Variants in GRXCR1 observed in about 807,000 individuals in gnomAD.
GRXCR1 encodes glutaredoxin domain-containing cysteine-rich protein 1.
GRXCR1 carries 27 observed loss-of-function variants against 27.3 expected under a neutral mutation model. The ratio of observed to expected loss-of-function variants is 0.99; its 90% confidence interval spans 0.73 to 1.37. The LOEUF (loss-of-function observed/expected upper bound fraction) is 1.37, where lower values mean the gene tolerates loss of function less well. Among genes scored for constraint, GRXCR1 ranks in the 40% most tolerant of loss-of-function variants. The probability of loss-of-function intolerance (pLI) is 0.00; values close to 1 mark genes in which losing one functional copy is unlikely to be tolerated. For missense variants in GRXCR1, 379 were observed against 354.4 expected, an observed-to-expected ratio of 1.07 and a Z score of -0.56; for synonymous variants, 122 against 131.1, an observed-to-expected ratio of 0.93 and a Z score of 0.47.
chr4:43,020,271 G>A, intron 2 of GRXCR1, 83 bp from the exon 3 acceptor site: 1 of 851,536 alleles, frequency 1.2e-6, no homozygotes, highest in Non-Finnish European at 2.0e-6. Flanking sequence ...AGTATTTTGT[G>A]GGTTAAGCTT....
At chr4:43,025,813 A>G (rs1185507388) in intron 3 of GRXCR1, among the ~76,000 whole-genome samples, 1 of 152,150 alleles carries the variant, frequency 6.6e-6, no homozygotes, top group Non-Finnish European at 1.5e-5. Flanking sequence ...CGTCTCTACT[A>G]AAAATACAAA....
intron 1 of GRXCR1, among the ~76,000 whole-genome samples, chr4:42,907,521 G>A (rs533066682): frequency 3.3e-5 from 5 of 152,264 alleles, no homozygotes; most frequent in African/African-American, 1.2e-4. Context: ...TTCAGTCCCT[G>A]TAGAGTCTGA....
chr4:42,905,680 G>A (rs1324936113), intron 1 of GRXCR1, among the ~76,000 whole-genome samples: 1 of 152,152 alleles, frequency 6.6e-6, no homozygotes. Context: ...AAACTGAAAG[G>A]GAGTGTGGCA....
chr4:42,976,305 GCCATTTATTC>G (rs1748517309), intron 2 of GRXCR1, among the ~76,000 whole-genome samples: 1 of 151,958 alleles, frequency 6.6e-6, no homozygotes, highest in Non-Finnish European at 1.5e-5. Flanking sequence ...TATATGTGTA[GCCATTTATTC>G]ATTAATTTAG....
chr4:42,982,714 CCT>C, intron 2 of GRXCR1, among the ~76,000 whole-genome samples: 1 of 144,298 alleles, frequency 6.9e-6, no homozygotes, highest in East Asian at 2.1e-4. Context: ...CTCTCCAGCA[CCT>C]GTTGTTTCCT....
intron 3 of GRXCR1, among the ~76,000 whole-genome samples, chr4:43,025,401 A>T (rs1182259227): frequency 2.0e-5 from 3 of 152,222 alleles, no homozygotes; most frequent in African/African-American, 7.2e-5. Flanking sequence ...TATTTGTGGA[A>T]TGGAATGAAT....
chr4:42,986,356 G>C (rs1023377652), intron 2 of GRXCR1, among the ~76,000 whole-genome samples: 1 of 152,200 alleles, frequency 6.6e-6, no homozygotes, highest in Non-Finnish European at 1.5e-5. Flanking sequence ...ACCTATGTCT[G>C]TCTTGCAGGA....
At chr4:43,003,301 A>G (rs1191622750) in intron 2 of GRXCR1, among the ~76,000 whole-genome samples, 1 of 152,158 alleles carries the variant, frequency 6.6e-6, no homozygotes, top group Non-Finnish European at 1.5e-5. Flanking sequence ...CTTAAAGTAT[A>G]ATAATAATAA....
At chr4:42,932,163 G>A (rs1271593581) in intron 1 of GRXCR1, among the ~76,000 whole-genome samples, 1 of 151,876 alleles carries the variant, frequency 6.6e-6, no homozygotes, top group Non-Finnish European at 1.5e-5. Context: ...GCTGTAGAAT[G>A]TATCTCTTAA....
rs112907739 is a variant in GRXCR1, at chr4:42,939,878, T to C, written c.385-23014T>C. 4.1e-3 allele frequency among the ~76,000 whole-genome samples: 619 copies of C among 152,136 alleles called. 3 individuals are homozygous for C. Among genetic ancestry groups the C allele is most frequent in the African/African-American group, 0.014 (588 of 41,526 alleles). On this transcript the variant is annotated intron_variant, in intron 1 of 3. Coordinates refer to ENST00000399770, the MANE Select transcript of GRXCR1 (RefSeq NM_001080476.3). Reference sequence around the variant, plus strand: ...TCCACCACTGCCATCTACTCCATTCTCCATCTGTGTTCCTGATCTAGTTCC... The same window carrying C: ...TCCACCACTGCCATCTACTCCATTCCCCATCTGTGTTCCTGATCTAGTTCC...
At chr4:42,898,752 A>G (rs1346606253) in intron 1 of GRXCR1, among the ~76,000 whole-genome samples, 1 of 152,136 alleles carries the variant, frequency 6.6e-6, no homozygotes, top group Non-Finnish European at 1.5e-5. Flanking sequence ...CTTCTCTGAC[A>G]GAAACATTAA....
chr4:42,984,975 T>A (rs1401703644), intron 2 of GRXCR1, among the ~76,000 whole-genome samples: 1 of 152,014 alleles, frequency 6.6e-6, no homozygotes, highest in African/African-American at 2.4e-5. Context: ...GGGCCTGAGG[T>A]TGGGGTCCAA....
intron 2 of GRXCR1, among the ~76,000 whole-genome samples, chr4:42,993,777 G>T (rs1484117749): frequency 2.0e-5 from 3 of 152,044 alleles, no homozygotes; most frequent in African/African-American, 7.2e-5. Flanking sequence ...TTGAACCATT[G>T]TAAGTTAAGT....
chr4:43,024,791 T>C (rs980897827), intron 3 of GRXCR1, among the ~76,000 whole-genome samples: 27 of 152,178 alleles, frequency 1.8e-4, no homozygotes, highest in African/African-American at 6.3e-4. Context: ...TTTTTGAATC[T>C]AGTTTAAAAC....
chr4:43,020,569 G>A (rs776951352), intron 3 of GRXCR1, 150 bp downstream of exon 3: 2 of 676,780 alleles, frequency 3.0e-6, no homozygotes, highest in Non-Finnish European at 5.4e-6. Flanking sequence ...GATATCTTCT[G>A]TTATTAGGTT....
chr4:42,897,592 T>TAGTATGTTTGTGGAAAAACC (rs1344149170), intron 1 of GRXCR1, among the ~76,000 whole-genome samples: 1 of 152,088 alleles, frequency 6.6e-6, no homozygotes, highest in South Asian at 2.1e-4. Context: ...GAAATAAAAG[T>TAGTATGTTTGTGGAAAAACC]AGTATGTTTG....
intron 2 of GRXCR1, among the ~76,000 whole-genome samples, chr4:42,974,342 A>T (rs1748457753): frequency 6.6e-6 from 1 of 152,094 alleles, no homozygotes; most frequent in Admixed American, 6.6e-5. Context: ...CACTGGTTTG[A>T]AGGACCTGAA....
chr4:42,907,190 GC>G (rs1490772897), intron 1 of GRXCR1, among the ~76,000 whole-genome samples: 1 of 152,138 alleles, frequency 6.6e-6, no homozygotes, highest in Non-Finnish European at 1.5e-5. Flanking sequence ...CCTGTCTTTG[GC>G]CACTGGCTGT....
chr4:42,952,439 C>G (rs1005812337), intron 1 of GRXCR1, among the ~76,000 whole-genome samples: 4 of 152,016 alleles, frequency 2.6e-5, no homozygotes, highest in African/African-American at 9.7e-5. Context: ...GCTGACTATA[C>G]CATCCTAACC....
Sources: gnomAD v4.1 joint callset for allele counts (sites outside exome capture counted in the v4.1 genomes callset) on GRCh38, gnomAD v4.1.1 for gene constraint, MANE v1.5 for transcripts, NCBI Gene and HGNC (gene_info 2026-07-23, HGNC 2026-07-21) for gene names.